The following SLC37A3 variants were observed in gnomAD, a reference collection of about 807,000 sequenced individuals.
SLC37A3 encodes sugar phosphate exchanger 3.
In SLC37A3, 51 loss-of-function variants were observed where a neutral mutation model predicts 67.1. The ratio of observed to expected loss-of-function variants is 0.76; its 90% CI spans 0.61 to 0.96. The LOEUF (loss-of-function observed/expected upper bound fraction) is 0.96. Ranked by LOEUF, SLC37A3 falls within the 40% of genes least tolerant of loss-of-function variation. SLC37A3 has a pLI of 0.00. For synonymous variants in SLC37A3, 214 were observed against 231.4 expected, an observed-to-expected ratio of 0.92 and a Z score of 0.68; for missense variants, 508 against 603.0, an observed-to-expected ratio of 0.84 and a Z score of 1.65.
At chr7:140,347,259 A>G (rs1335547073) in intron 10 of SLC37A3, among the ~76,000 whole-genome samples, 1 of 151,854 alleles carries the variant, frequency 6.6e-6, no homozygotes, top group Non-Finnish European at 1.5e-5. Flanking sequence ...AAAAAAAAAA[A>G]AAAGAAAAAA....
At position 140,343,546 on chromosome 7, in the gene SLC37A3, G is replaced by GTCC; in HGVS notation, c.1189_1191dup (p.Gly397dup). ...ATAGCAGAACTAATCATATTAGAAG[G>GTCC]TCCACCAATAAAAAATCCTGAAGTC... On this transcript the variant is annotated inframe_insertion, in exon 13 of 15. Transcript: ENST00000326232. 6.2e-7 allele frequency: 1 copy of GTCC among 1,614,052 alleles called. No individual in the cohort carries two copies. Among genetic ancestry groups the GTCC allele is most frequent in the Non-Finnish European group, 8.5e-7 (1 of 1,180,004 alleles).
chr7:140,337,109 AAAAAAAAAAAG>A (rs973847578), intron 14 of SLC37A3, among the ~76,000 whole-genome samples, 164 bp downstream of exon 14: 3 of 150,030 alleles, frequency 2.0e-5, no homozygotes, highest in African/African-American at 4.9e-5. Flanking sequence ...AAAAAAAAAA[AAAAAAAAAAAG>A]AAGAAGAAGA....
intron 3 of SLC37A3, among the ~76,000 whole-genome samples, chr7:140,374,763 T>C (rs1797958089): frequency 6.6e-6 from 1 of 151,620 alleles, no homozygotes; most frequent in African/African-American, 2.4e-5. Context: ...GAGGCTGAGA[T>C]GGGAAGATGG....
chr7:140,336,594 CT>C (rs1563001793), intron 14 of SLC37A3, among the ~76,000 whole-genome samples: 1 of 152,178 alleles, frequency 6.6e-6, no homozygotes, highest in African/African-American at 2.4e-5. Flanking sequence ...CAATGCTTCT[CT>C]TTTAACTCAA....
intron 1 of SLC37A3, among the ~76,000 whole-genome samples, chr7:140,390,602 C>A (rs1395580600): frequency 6.6e-6 from 1 of 152,098 alleles, no homozygotes; most frequent in Non-Finnish European, 1.5e-5. Flanking sequence ...AGGGACTGAT[C>A]TCCCTCGCAC....
chr7:140,391,852 T>TGTATTGTTA (rs1798737534), intron 1 of SLC37A3, among the ~76,000 whole-genome samples: 2 of 152,174 alleles, frequency 1.3e-5, no homozygotes, highest in African/African-American at 2.4e-5. Flanking sequence ...CAAAGCCCTC[T>TGTATTGTTA]TCAGCACACA....
chr7:140,394,027 G>A (rs967180180), intron 1 of SLC37A3, among the ~76,000 whole-genome samples: 35 of 152,018 alleles, frequency 2.3e-4, no homozygotes, highest in East Asian at 1.9e-4. Context: ...AAAAATCAGC[G>A]GGGCATGCTG....
At position 140,341,345 on chromosome 7, in the gene SLC37A3, T is replaced by C. The variant is rs1241408050; in HGVS notation, c.1326+2067A>G. 2.6e-5 allele frequency among the ~76,000 whole-genome samples: 4 copies of C among 152,038 alleles called. No homozygotes were observed. The East Asian group carries it at 7.7e-4, about 29-fold the overall frequency. On this transcript the variant is annotated intron_variant, in intron 13 of 14. Coordinates refer to ENST00000326232, the MANE Select transcript of SLC37A3 (RefSeq NM_207113.3). ...CAACAAAAGCACTAAGCATTGGGAA[T>C]ACAAAGACGAAGGAAACAAGCAGAG...
At chr7:140,362,771 A>G (rs1162981064) in intron 5 of SLC37A3, among the ~76,000 whole-genome samples, 1 of 55,776 alleles carries the variant, frequency 1.8e-5, no homozygotes, top group Non-Finnish European at 3.5e-5. Context: ...TCCGGGAGGG[A>G]GGTGGGGGGA....
At chr7:140,393,563 T>C (rs1461586848) in intron 1 of SLC37A3, among the ~76,000 whole-genome samples, 1 of 152,222 alleles carries the variant, frequency 6.6e-6, no homozygotes. Flanking sequence ...TTTGTGTTTG[T>C]TCTTCCACGA....
At chr7:140,385,496 T>C (rs1798414253) in intron 1 of SLC37A3, among the ~76,000 whole-genome samples, 1 of 152,162 alleles carries the variant, frequency 6.6e-6, no homozygotes, top group Admixed American at 6.5e-5. Context: ...CAAAACACTG[T>C]AGTATGTACT....
At chr7:140,336,084 T>C (rs1261700515) in intron 14 of SLC37A3, among the ~76,000 whole-genome samples, 1 of 152,210 alleles carries the variant, frequency 6.6e-6, no homozygotes, top group Non-Finnish European at 1.5e-5. Context: ...ACTGAATGCG[T>C]CCCTGGTGCC....
chr7:140,334,865 G>A lies in SLC37A3; in HGVS notation c.*547C>T, dbSNP rs1796072834. 1 of 255,820 alleles carries A rather than the reference G, an allele frequency of 3.9e-6. No individual in the cohort carries two copies. The highest frequency in any genetic ancestry group is 7.8e-6 in the Non-Finnish European group (1 of 128,776). The allele number at this position is 255,820 out of a possible 1,614,324, so 15.8% of individuals were successfully genotyped here. On this transcript the variant is annotated 3_prime_UTR_variant, in exon 15 of 15. Coordinates refer to ENST00000326232, the MANE Select transcript of SLC37A3 (RefSeq NM_207113.3). ...GTAGTGTGATCTTTCCCACCACAGT[G>A]AACAGAGGGATTCTTTGTCCAAGGC...
At chr7:140,391,500 G>A (rs1798724073) in intron 1 of SLC37A3, among the ~76,000 whole-genome samples, 1 of 152,224 alleles carries the variant, frequency 6.6e-6, no homozygotes, top group Non-Finnish European at 1.5e-5. Context: ...AGGTTGCAGT[G>A]AGCCGAGATC....
chr7:140,366,810 T>G (rs1797618698), intron 4 of SLC37A3, among the ~76,000 whole-genome samples: 1 of 152,150 alleles, frequency 6.6e-6, no homozygotes, highest in African/African-American at 2.4e-5. Flanking sequence ...TGTTTCTCTG[T>G]TTCCTCTTTG....
At chr7:140,337,552 A>C (rs1365988522) in intron 13 of SLC37A3, 3 of 409,308 alleles carry the variant, frequency 7.3e-6, no homozygotes, top group Non-Finnish European at 8.8e-6. Context: ...AAATGGAAAA[A>C]CCGTATAATA....
chr7:140,346,029 C>T (rs964877389), intron 10 of SLC37A3, 59 bp from the exon 11 acceptor site: 10 of 1,261,898 alleles, frequency 7.9e-6, no homozygotes, highest in African/African-American at 1.5e-5. Flanking sequence ...TCACCTGAGG[C>T]GTGCTCCCCA....
At chr7:140,346,637 T>A (rs1050553258) in intron 10 of SLC37A3, among the ~76,000 whole-genome samples, 1 of 152,224 alleles carries the variant, frequency 6.6e-6, no homozygotes, top group African/African-American at 2.4e-5. Context: ...TGGTGGCTCA[T>A]GCCTATAATC....
At chr7:140,340,799 T>G (rs894667665) in intron 13 of SLC37A3, among the ~76,000 whole-genome samples, 1 of 151,974 alleles carries the variant, frequency 6.6e-6, no homozygotes. Flanking sequence ...GGCATGGTGG[T>G]GGGTACCTGC....
Sources: allele counts gnomAD v4.1 joint callset (sites outside exome capture counted in the v4.1 genomes callset), GRCh38; gene constraint gnomAD v4.1.1; transcripts MANE v1.5; gene names NCBI Gene and HGNC (gene_info 2026-07-23, HGNC 2026-07-21).